The following CSMD1 variants were observed in gnomAD, a reference collection of about 807,000 sequenced individuals.
CSMD1 encodes CUB and Sushi multiple domains 1, also known as CUB and sushi domain-containing protein 1.
In CSMD1, 213 loss-of-function variants were observed where a neutral mutation model predicts 417.5. The observed-to-expected ratio is 0.51, with a 90% confidence interval of 0.46 to 0.57. CSMD1 has a LOEUF of 0.57. CSMD1 is among the 20% of genes least tolerant of loss of function. CSMD1 has a pLI of 0.00. For synonymous variants in CSMD1, 2,862 were observed against 1,736.8 expected, an observed-to-expected ratio of 1.65 and a Z score of -16.11; for missense variants, 6,923 against 4,529.7, an observed-to-expected ratio of 1.53 and a Z score of -15.17.
intron 8 of CSMD1, among the ~76,000 whole-genome samples, chr8:3,600,267 A>G (rs1336739285): frequency 6.6e-6 from 1 of 152,212 alleles, no homozygotes; most frequent in African/African-American, 2.4e-5. Flanking sequence ...AGCTTAGGTA[A>G]AATTCCTCAT....
At chr8:4,621,950 C>T (rs531456861) in intron 2 of CSMD1, among the ~76,000 whole-genome samples, 1 of 151,702 alleles carries the variant, frequency 6.6e-6, no homozygotes, top group African/African-American at 2.4e-5. Context: ...TTAATTGATG[C>T]CAAAATCATA....
intron 1 of CSMD1, among the ~76,000 whole-genome samples, chr8:4,688,581 G>C (rs1270134211): frequency 1.3e-5 from 2 of 152,180 alleles, no homozygotes; most frequent in Non-Finnish European, 2.9e-5. Flanking sequence ...AGCAGTCAGA[G>C]AGTGAACACT....
intron 10 of CSMD1, among the ~76,000 whole-genome samples, chr8:3,510,852 G>T (rs748341831): frequency 2.6e-5 from 4 of 151,610 alleles, no homozygotes; most frequent in Non-Finnish European, 5.9e-5. Flanking sequence ...TTTTTGATGG[G>T]GTTGTTTTTT....
At chr8:3,594,622 T>A (rs1801007864) in intron 8 of CSMD1, among the ~76,000 whole-genome samples, 1 of 152,158 alleles carries the variant, frequency 6.6e-6, no homozygotes, top group Non-Finnish European at 1.5e-5. Flanking sequence ...GTAGATACAA[T>A]GACTTAGGTT....
intron 4 of CSMD1, among the ~76,000 whole-genome samples, chr8:4,029,933 G>A (rs781569726): frequency 6.6e-6 from 1 of 152,116 alleles, no homozygotes. Context: ...TGTAAGTATA[G>A]AATCCAGTGG....
chr8:4,363,652 A>C (rs1207090621), intron 3 of CSMD1, among the ~76,000 whole-genome samples: 8 of 152,218 alleles, frequency 5.3e-5, no homozygotes, highest in African/African-American at 1.9e-4. Flanking sequence ...TACAACTGGC[A>C]GGCAGCCTTT....
At chr8:4,893,953 T>C (rs1804301941) in intron 1 of CSMD1, among the ~76,000 whole-genome samples, 2 of 152,174 alleles carry the variant, frequency 1.3e-5, no homozygotes, top group Non-Finnish European at 1.5e-5. Flanking sequence ...GTAAAGCTTT[T>C]TGTCTTTTTT....
At chr8:3,560,451 A>G (rs1274742653) in intron 10 of CSMD1, among the ~76,000 whole-genome samples, 1 of 152,172 alleles carries the variant, frequency 6.6e-6, no homozygotes, top group Non-Finnish European at 1.5e-5. Context: ...ATGGGATCCC[A>G]GGTCTGTGAA....
At chr8:3,753,131 C>A (rs2623727) in intron 6 of CSMD1, among the ~76,000 whole-genome samples, 1 of 152,190 alleles carries the variant, frequency 6.6e-6, no homozygotes, top group Non-Finnish European at 1.5e-5. Context: ...AGGTGTTCAG[C>A]GAATGCTACC....
At chr8:2,951,302 T>C (rs373804394) in intron 65 of CSMD1, 27 bp from the exon 66 acceptor site, 136 of 1,582,092 alleles carry the variant, frequency 8.6e-5, no homozygotes, top group East Asian at 2.9e-4. Context: ...AACAGACCAA[T>C]GTCAGCACAC....
At chr8:4,498,442 CTTAA>C (rs1276356227) in intron 2 of CSMD1, among the ~76,000 whole-genome samples, 2 of 152,088 alleles carry the variant, frequency 1.3e-5, no homozygotes, top group African/African-American at 4.8e-5. Flanking sequence ...GAGGCATTTA[CTTAA>C]TTTTTAATTT....
intron 2 of CSMD1, among the ~76,000 whole-genome samples, chr8:4,466,965 G>A (rs141287331): frequency 1.3e-5 from 2 of 151,684 alleles, no homozygotes; most frequent in Non-Finnish European, 2.9e-5. Flanking sequence ...CCTTCCCTTA[G>A]CTGTAAGGAA....
intron 7 of CSMD1, among the ~76,000 whole-genome samples, chr8:3,633,100 ATTGTT>A (rs1272690833): frequency 6.6e-6 from 1 of 152,248 alleles, no homozygotes; most frequent in African/African-American, 2.4e-5. Context: ...TGCTGACGTC[ATTGTT>A]TTAACATTTA....
chr8:3,430,786 A>G (rs1814169405), intron 12 of CSMD1, among the ~76,000 whole-genome samples: 2 of 152,178 alleles, frequency 1.3e-5, no homozygotes, highest in Admixed American at 1.3e-4. Context: ...CAGCCTGGGT[A>G]ACAGAACGAG....
chr8:4,459,683 A>C (rs903554142), intron 2 of CSMD1, among the ~76,000 whole-genome samples: 5 of 152,370 alleles, frequency 3.3e-5, no homozygotes, highest in South Asian at 2.1e-4. Flanking sequence ...AAGTGTGGAC[A>C]TAAGAATATG....
intron 7 of CSMD1, among the ~76,000 whole-genome samples, chr8:3,644,876 T>C (rs1433469433): frequency 6.7e-6 from 1 of 149,004 alleles, no homozygotes; most frequent in Non-Finnish European, 1.5e-5. Context: ...GTTGGGTGCA[T>C]CTGCCATGCA....
Position 3,433,024 on chromosome 8 carries a change from C to G in CSMD1, c.1562-23419G>C, listed in dbSNP as rs147937289. 8.2e-3 allele frequency among the ~76,000 whole-genome samples: 1,251 copies of G among 152,176 alleles called. 16 individuals carry two copies. The highest frequency in any genetic ancestry group is 0.028 in the African/African-American group (1,181 of 41,538). The stretch of plus-strand genomic sequence containing the variant: ...TTCAGTTTAAGATGTGCAAACAAGT[C>G]ATTGAAAAAATAAATTTACTTGAAA... On this transcript the variant is annotated intron_variant, in intron 12 of 69. Coordinates refer to ENST00000635120, the MANE Select transcript of CSMD1 (RefSeq NM_033225.6).
At chr8:4,046,732 C>A (rs995778503) in intron 3 of CSMD1, among the ~76,000 whole-genome samples, 1 of 152,120 alleles carries the variant, frequency 6.6e-6, no homozygotes, top group Non-Finnish European at 1.5e-5. Flanking sequence ...ATGATTTAAA[C>A]TTTTTTTCTG....
At chr8:3,121,560 C>T (rs1044707006) in intron 41 of CSMD1, among the ~76,000 whole-genome samples, 3 of 152,190 alleles carry the variant, frequency 2.0e-5, no homozygotes, top group African/African-American at 7.2e-5. Context: ...CAGAAACCCA[C>T]TGGATTATGT....
Sources: allele counts gnomAD v4.1 joint callset (sites outside exome capture counted in the v4.1 genomes callset), GRCh38; gene constraint gnomAD v4.1.1; transcripts MANE v1.5; gene names NCBI Gene and HGNC (gene_info 2026-07-23, HGNC 2026-07-21).